The following HLCS variants were observed in gnomAD, a reference collection of about 807,000 sequenced individuals.
HLCS encodes holocarboxylase synthetase, also known as biotin--protein ligase.
In HLCS, 53 loss-of-function variants were observed where a neutral mutation model predicts 75.0. The ratio of observed to expected loss-of-function variants is 0.71; its 90% CI spans 0.57 to 0.89. The LOEUF (loss-of-function observed/expected upper bound fraction) is 0.89. HLCS is among the 40% of genes least tolerant of loss of function. HLCS has a pLI of 0.00. For missense variants in HLCS, 966 were observed against 1,074.0 expected (o/e 0.90, Z 1.41); for synonymous variants, 431 against 428.6 (o/e 1.01, Z -0.07).
chr21:36,787,546 C>T (rs1239340485), intron 6 of HLCS, among the ~76,000 whole-genome samples: 1 of 152,168 alleles, frequency 6.6e-6, no homozygotes, highest in Non-Finnish European at 1.5e-5. Context: ...AGTTCTGTGG[C>T]ATTTATTTAG....
intron 4 of HLCS, among the ~76,000 whole-genome samples, chr21:36,934,016 C>G (rs2066767029): frequency 1.3e-5 from 2 of 152,130 alleles, no homozygotes; most frequent in Non-Finnish European, 2.9e-5. Context: ...GGTGCTTCTA[C>G]AATGGAAACA....
chr21:36,947,560 C>T (rs1469089383), intron 2 of HLCS: 3 of 985,332 alleles, frequency 3.0e-6, no homozygotes, highest in Non-Finnish European at 3.6e-6. Context: ...AAAAGGCTCA[C>T]TCCCAAAGAT....
At chr21:36,939,909 C>G (rs1195881297) in intron 2 of HLCS, among the ~76,000 whole-genome samples, 1 of 152,074 alleles carries the variant, frequency 6.6e-6, no homozygotes, top group Admixed American at 6.6e-5. Context: ...ATTAGCCGGG[C>G]GTGGTGTCGC....
At chr21:36,853,987 T>C (rs1469119818) in intron 6 of HLCS, among the ~76,000 whole-genome samples, 1 of 152,214 alleles carries the variant, frequency 6.6e-6, no homozygotes, top group African/African-American at 2.4e-5. Context: ...TATATTGTTC[T>C]ATGGGGAAGA....
At position 36,810,673 on chromosome 21, in the gene HLCS, G is replaced by C. The variant is rs540498212; in HGVS notation, c.1893-43388C>G. 3.3e-5 allele frequency among the ~76,000 whole-genome samples: 5 copies of C among 152,352 alleles called. No homozygotes were observed. The South Asian group carries it at 1.0e-3, about 32-fold the overall frequency. ...GGAGGTGGGAGGATCTGTCTGGTAAGATCTTGATCTGCCATTCTCAGAAGA... is the reference window on the plus strand; with the variant it reads ...GGAGGTGGGAGGATCTGTCTGGTAACATCTTGATCTGCCATTCTCAGAAGA... On this transcript the variant is annotated intron_variant, in intron 6 of 10. Transcript: ENST00000674895.
chr21:36,895,041 C>T (rs553988371), intron 6 of HLCS, among the ~76,000 whole-genome samples: 8 of 148,488 alleles, frequency 5.4e-5, no homozygotes, highest in South Asian at 4.3e-4. Context: ...CTCTTGGTGA[C>T]GCGCTGCCCT....
At chr21:36,910,294 C>T (rs765843122) in intron 5 of HLCS, among the ~76,000 whole-genome samples, 5 of 152,302 alleles carry the variant, frequency 3.3e-5, no homozygotes, top group South Asian at 2.1e-4. Flanking sequence ...CCTGTAATCC[C>T]GGCACTTTGG....
At chr21:36,823,286 C>A (rs893841422) in intron 6 of HLCS, among the ~76,000 whole-genome samples, 3 of 152,178 alleles carry the variant, frequency 2.0e-5, no homozygotes, top group Non-Finnish European at 4.4e-5. Flanking sequence ...TAAGAGGTGA[C>A]AGTCATCTGT....
intron 1 of HLCS, among the ~76,000 whole-genome samples, chr21:36,978,871 G>A (rs992836331): frequency 3.3e-5 from 5 of 152,186 alleles, no homozygotes; most frequent in Middle Eastern, 3.2e-3. Flanking sequence ...AGCTCCATGA[G>A]GGGCCAGTGA....
Position 36,896,988 on chromosome 21 carries a change from G to T in HLCS, c.1764C>A (p.Thr588=). The T allele has an allele frequency of 6.2e-7, 1 of 1,614,088 alleles. No homozygotes were observed. Among genetic ancestry groups the T allele is most frequent in the Non-Finnish European group, 8.5e-7 (1 of 1,179,996 alleles). ...EITPSCIPVV[T]NMEAFSSEHF... ...GTTCTGATGAGAAGGCCTCCATGTTGGTCACCACAGGTATACAAGATGGGG... is the reference window on the plus strand; with the variant it reads ...GTTCTGATGAGAAGGCCTCCATGTTTGTCACCACAGGTATACAAGATGGGG... The change falls in exon 6 of 11, where the codon ACC becomes ACA. Residue 588 remains threonine (T), a synonymous_variant. Coordinates refer to ENST00000674895, the MANE Select transcript of HLCS (RefSeq NM_001352514.2).
At chr21:36,758,947 G>A (rs930688836) in intron 9 of HLCS, among the ~76,000 whole-genome samples, 10 of 151,462 alleles carry the variant, frequency 6.6e-5, no homozygotes, top group Non-Finnish European at 1.3e-4. Context: ...TTGCACCACT[G>A]CATTCCAGCC....
intron 6 of HLCS, among the ~76,000 whole-genome samples, chr21:36,870,604 T>C (rs1379638170): frequency 6.6e-6 from 1 of 152,174 alleles, no homozygotes; most frequent in Non-Finnish European, 1.5e-5. Context: ...AGCTTTCCAG[T>C]GAGAAGTGAT....
intron 2 of HLCS, among the ~76,000 whole-genome samples, chr21:36,957,652 T>C (rs973956638): frequency 1.3e-5 from 2 of 152,192 alleles, no homozygotes; most frequent in Admixed American, 1.3e-4. Flanking sequence ...TAGCCCTGAA[T>C]TGGCTGGGCG....
intron 8 of HLCS, among the ~76,000 whole-genome samples, chr21:36,764,583 T>C (rs1431985226): frequency 2.0e-5 from 3 of 151,990 alleles, no homozygotes; most frequent in Non-Finnish European, 1.5e-5. Context: ...TGTGTACCTA[T>C]GGTCCCAGCT....
intron 6 of HLCS, among the ~76,000 whole-genome samples, chr21:36,823,801 C>A (rs1205009897): frequency 6.6e-6 from 1 of 152,138 alleles, no homozygotes; most frequent in Non-Finnish European, 1.5e-5. Flanking sequence ...TGCATTAGAG[C>A]TACATGGACC....
intron 8 of HLCS, among the ~76,000 whole-genome samples, chr21:36,761,603 G>A (rs761571865): frequency 2.6e-5 from 4 of 152,090 alleles, no homozygotes; most frequent in Admixed American, 6.5e-5. Flanking sequence ...TGCTACCGGC[G>A]TCTAGAGAGT....
At chr21:36,783,397 A>T (rs1399277408) in intron 6 of HLCS, among the ~76,000 whole-genome samples, 3 of 152,174 alleles carry the variant, frequency 2.0e-5, no homozygotes, top group Admixed American at 1.3e-4. Flanking sequence ...CATTTCTTTT[A>T]AAAAATTTCC....
chr21:36,845,830 ATCTT>A (rs895043430), intron 6 of HLCS, among the ~76,000 whole-genome samples: 31 of 152,248 alleles, frequency 2.0e-4, no homozygotes, highest in African/African-American at 7.0e-4. Context: ...AGCCTGGCCT[ATCTT>A]CCTTCCTATG....
At chr21:36,778,596 T>C (rs1441738045) in intron 6 of HLCS, among the ~76,000 whole-genome samples, 1 of 152,204 alleles carries the variant, frequency 6.6e-6, no homozygotes, top group African/African-American at 2.4e-5. Context: ...AATTATTTAC[T>C]TGATGGTTGC....
Sources: gnomAD v4.1 joint callset for allele counts (sites outside exome capture counted in the v4.1 genomes callset) on GRCh38, gnomAD v4.1.1 for gene constraint, MANE v1.5 for transcripts, NCBI Gene and HGNC (gene_info 2026-07-23, HGNC 2026-07-21) for gene names.